Variants in OR1K1 observed in about 807,000 individuals in gnomAD.
OR1K1 encodes the protein olfactory receptor family 1 subfamily K member 1.
For missense variants in OR1K1, 409 were observed against 407.9 expected (o/e 1.00, Z -0.02); for synonymous variants, 168 against 178.2 (o/e 0.94, Z 0.46).
Position 122,800,773 on chromosome 9 carries a change from C to G in OR1K1, c.651C>G (p.Ala217=). The change falls in exon 1 of 1, where the codon GCC becomes GCG. Residue 217 remains alanine (A), a synonymous_variant. Transcript: ENST00000277309. ...VVVTPFLLIL[A]SYGAIAAAVL... ...TCACTCCCTTCCTGCTCATCCTCGC[C>G]TCCTATGGGGCCATCGCAGCTGCCG... 6.2e-7 allele frequency: 1 copy of G among 1,613,982 alleles called. No homozygotes were observed. The highest frequency in any genetic ancestry group is 8.5e-7 in the Non-Finnish European group (1 of 1,180,042).
Position 122,800,232 on chromosome 9 carries a change from T to C in OR1K1, c.110T>C (p.Val37Ala), listed in dbSNP as rs774696178. 1 of 1,614,180 alleles carries C rather than the reference T, an allele frequency of 6.2e-7. No homozygotes were observed. Among genetic ancestry groups the C allele is most frequent in the Non-Finnish European group, 8.5e-7 (1 of 1,180,006 alleles). The change falls in exon 1 of 1, where the codon GTG becomes GCG. Residue 37 changes from valine to alanine, a missense_variant. By Grantham distance (64) the Val-to-Ala change is moderately conservative. Coordinates refer to ENST00000277309, the MANE Select transcript of OR1K1 (RefSeq NM_080859.1). ...PLFVLFLLLY[V>A]ASLLGNGLIV... ...TTTGTGCTGTTCTTGCTCTTGTATG[T>C]GGCCAGCCTCCTGGGTAATGGACTC...
rs1038051189 is a variant in OR1K1, at chr9:122,800,638, C to T, written c.516C>T (p.Ser172=). The change falls in exon 1 of 1, where the codon TCC becomes TCT. Residue 172 remains serine, a synonymous_variant. Coordinates refer to ENST00000277309, the MANE Select transcript of OR1K1 (RefSeq NM_080859.1). ...TGGCTCGCTTGTCCTTCTGTGCTTC[C>T]CACCAAGTGCCCCACTTCTTCTGTG... ...LLMARLSFCA[S]HQVPHFFCDH... The T allele has an allele frequency of 4.3e-6, 7 of 1,614,032 alleles. No homozygotes were observed. The highest frequency in any genetic ancestry group is 2.2e-5 in the East Asian group (1 of 44,870).
rs150129543 is a variant in OR1K1 at position 122,800,346 on chromosome 9, C to T, written c.224C>T (p.Ala75Val). 2.4e-4 allele frequency: 386 copies of T among 1,614,112 alleles called. No individual in the cohort carries two copies. The highest frequency in any genetic ancestry group is 3.2e-4 in the Non-Finnish European group (373 of 1,180,052). The change falls in exon 1 of 1, where the codon GCC becomes GTC. Residue 75 changes from alanine (A) to valine (V), a missense_variant. By Grantham distance (64) the Ala-to-Val change is moderately conservative. Coordinates refer to ENST00000277309, the MANE Select transcript of OR1K1 (RefSeq NM_080859.1). The part of the protein sequence containing the change: ...AHLSFADLCF[A>V]SVTVPKMLAN... Reference sequence around the variant, plus strand: ...CTGTCCTTTGCTGACCTCTGCTTCGCCTCCGTCACTGTGCCCAAGATGTTG... The same window carrying T: ...CTGTCCTTTGCTGACCTCTGCTTCGTCTCCGTCACTGTGCCCAAGATGTTG...
Position 122,800,348 on chromosome 9 carries a change from T to C in OR1K1, c.226T>C (p.Ser76Pro), listed in dbSNP as rs138645292. 1 of 1,614,074 alleles carries C rather than the reference T, an allele frequency of 6.2e-7. No homozygotes were observed. The highest frequency in any genetic ancestry group is 1.3e-5 in the African/African-American group (1 of 74,940). Residue 76 changes from serine (S) to proline (P), a missense_variant, in exon 1 of 1, where the codon TCC (serine) becomes CCC (proline). Transcript: ENST00000277309. ...GTCCTTTGCTGACCTCTGCTTCGCCTCCGTCACTGTGCCCAAGATGTTGGC... is the reference window on the plus strand; with the variant it reads ...GTCCTTTGCTGACCTCTGCTTCGCCCCCGTCACTGTGCCCAAGATGTTGGC... Reference protein sequence around the residue: ...HLSFADLCFASVTVPKMLANL... With the variant: ...HLSFADLCFAPVTVPKMLANL...
rs544000900 is a variant in OR1K1 at position 122,800,377 on chromosome 9, C to T, written c.255C>T (p.Asn85=). 3 of 1,614,168 alleles carry T rather than the reference C, an allele frequency of 1.9e-6. No individual in the cohort carries two copies. Among genetic ancestry groups the T allele is most frequent in the African/African-American group, 1.3e-5 (1 of 75,060 alleles). ...ASVTVPKMLA[N]LLAHDHSISL... ...TCACTGTGCCCAAGATGTTGGCCAACTTGTTGGCCCATGACCACTCCATCT... is the reference window on the plus strand; with the variant it reads ...TCACTGTGCCCAAGATGTTGGCCAATTTGTTGGCCCATGACCACTCCATCT... Residue 85 remains asparagine, a synonymous_variant, in exon 1 of 1, where the codon AAC becomes AAT. Coordinates refer to ENST00000277309, the MANE Select transcript of OR1K1 (RefSeq NM_080859.1).
rs1829359312 is a variant in OR1K1, at chr9:122,800,962, T to C, written c.840T>C (p.Thr280=). The C allele has an allele frequency of 6.2e-7, 1 of 1,614,060 alleles. No individual in the cohort carries two copies. The highest frequency in any genetic ancestry group is 1.7e-5 in the Admixed American group (1 of 60,004). ...GCCGTGTGGCCACTGTCATGTACAC[T>C]GTAGTCACCCCCATGCTGAACCCCA... is the stretch of plus-strand genomic sequence containing the variant. ...EWGRVATVMY[T]VVTPMLNPII... is the part of the protein sequence containing the mutation. The change falls in exon 1 of 1, where the codon ACT becomes ACC. Residue 280 remains threonine, a synonymous_variant. Transcript: ENST00000277309.
Position 122,800,327 on chromosome 9 carries a change from T to C in OR1K1, c.205T>C (p.Phe69Leu). The C allele has an allele frequency of 1.2e-6, 2 of 1,614,206 alleles. No homozygotes were observed. Among genetic ancestry groups the C allele is most frequent in the Non-Finnish European group, 8.5e-7 (1 of 1,180,016 alleles). Residue 69 changes from phenylalanine to leucine, a missense_variant, in exon 1 of 1, where the codon TTT becomes CTT. Coordinates refer to ENST00000277309, the MANE Select transcript of OR1K1 (RefSeq NM_080859.1). ...GTACTTCCTGCTGGCCCACCTGTCC[T>C]TTGCTGACCTCTGCTTCGCCTCCGT... ...PMYFLLAHLS[F>L]ADLCFASVTV...
Position 122,800,924 on chromosome 9 carries a change from G to A in OR1K1, c.802G>A (p.Glu268Lys), listed in dbSNP as rs190021761. The A allele has an allele frequency of 5.4e-5, 87 of 1,614,178 alleles. 1 individual carries two copies. Among genetic ancestry groups the A allele is most frequent in the South Asian group, 4.1e-4 (37 of 91,086 alleles). Residue 268 changes from glutamate to lysine, a missense_variant, in exon 1 of 1, where the codon GAG becomes AAG. Coordinates refer to ENST00000277309, the MANE Select transcript of OR1K1 (RefSeq NM_080859.1). The part of the protein sequence containing the change: ...AVYFQATSRR[E>K]AEWGRVATVM... Reference sequence around the variant, plus strand: ...CTACTTCCAGGCCACATCCCGACGCGAGGCAGAGTGGGGCCGTGTGGCCAC... The same window carrying A: ...CTACTTCCAGGCCACATCCCGACGCAAGGCAGAGTGGGGCCGTGTGGCCAC...
chr9:122,800,778 A>G lies in OR1K1; in HGVS notation c.656A>G (p.Tyr219Cys), dbSNP rs778790231. ...CCCTTCCTGCTCATCCTCGCCTCCT[A>G]TGGGGCCATCGCAGCTGCCGTGCTC... ...VTPFLLILAS[Y>C]GAIAAAVLQL... is the part of the protein sequence containing the mutation. The change falls in exon 1 of 1, where the codon TAT becomes TGT. Residue 219 changes from tyrosine to cysteine, a missense_variant. By Grantham distance (194) the Tyr-to-Cys change is radical. Coordinates refer to ENST00000277309, the MANE Select transcript of OR1K1 (RefSeq NM_080859.1). 2 of 1,613,592 alleles carry G rather than the reference A, an allele frequency of 1.2e-6. No individual in the cohort carries two copies. Among genetic ancestry groups the G allele is most frequent in the Admixed American group, 3.3e-5 (2 of 60,022 alleles).
Position 122,800,585 on chromosome 9 carries a change from G to A in OR1K1, c.463G>A (p.Val155Ile), listed in dbSNP as rs200621911. 200 of 1,613,636 alleles carry A rather than the reference G, an allele frequency of 1.2e-4. 1 individual carries two copies. Among genetic ancestry groups the A allele is most frequent in the South Asian group, 9.7e-4 (88 of 91,082 alleles). The stretch of plus-strand genomic sequence containing the variant: ...GGGAATGGCATGGCTGGTGTCCCAC[G>A]TCCACTCCCTCCTGTATATCCTGCT... ...LVGMAWLVSH[V>I]HSLLYILLMA... The change falls in exon 1 of 1, where the codon GTC becomes ATC. Residue 155 changes from valine (V) to isoleucine (I), a missense_variant. Physicochemically the swap from Val to Ile is conservative, Grantham distance 29. Coordinates refer to ENST00000277309, the MANE Select transcript of OR1K1 (RefSeq NM_080859.1).
Position 122,800,616 on chromosome 9 carries a change from C to T in OR1K1, c.494C>T (p.Ala165Val), listed in dbSNP as rs1439213369. 9.3e-6 allele frequency: 15 copies of T among 1,613,870 alleles called. No individual in the cohort carries two copies. The highest frequency in any genetic ancestry group is 1.3e-5 in the Non-Finnish European group (15 of 1,180,030). Residue 165 changes from alanine to valine, a missense_variant, in exon 1 of 1, where the codon GCT becomes GTT. By Grantham distance (64) the Ala-to-Val change is moderately conservative. Transcript: ENST00000277309. Reference sequence around the variant, plus strand: ...TCCCTCCTGTATATCCTGCTCATGGCTCGCTTGTCCTTCTGTGCTTCCCAC... The same window carrying T: ...TCCCTCCTGTATATCCTGCTCATGGTTCGCTTGTCCTTCTGTGCTTCCCAC... ...VHSLLYILLM[A>V]RLSFCASHQV...
In OR1K1 at chr9:122,800,930, G is replaced by A. The variant is rs1270586266; in HGVS notation, c.808G>A (p.Glu270Lys). ...YFQATSRREAEWGRVATVMYT... is the reference protein window; with the variant it reads ...YFQATSRREAKWGRVATVMYT... ...CCAGGCCACATCCCGACGCGAGGCA[G>A]AGTGGGGCCGTGTGGCCACTGTCAT... Residue 270 changes from glutamate to lysine, a missense_variant, in exon 1 of 1, where the codon GAG becomes AAG. Transcript: ENST00000277309. The A allele has an allele frequency of 6.2e-7, 1 of 1,614,214 alleles. No homozygotes were observed. The highest frequency in any genetic ancestry group is 1.1e-5 in the South Asian group (1 of 91,082).
chr9:122,800,460 G>A lies in OR1K1; in HGVS notation c.338G>A (p.Ser113Asn). 6.2e-7 allele frequency: 1 copy of A among 1,611,846 alleles called. No individual in the cohort carries two copies. Among genetic ancestry groups the A allele is most frequent in the Non-Finnish European group, 8.5e-7 (1 of 1,180,022 alleles). Residue 113 changes from serine to asparagine, a missense_variant, in exon 1 of 1, where the codon AGC (serine) becomes AAC (asparagine). Physicochemically the swap from Ser to Asn is conservative, Grantham distance 46. Transcript: ENST00000277309. ...YFFFALGVTDSCLLAAMAYDC... is the reference protein window; with the variant it reads ...YFFFALGVTDNCLLAAMAYDC... Reference sequence around the variant, plus strand: ...TTCTTTGCCCTGGGGGTAACTGATAGCTGTCTTCTGGCGGCCATGGCCTAT... The same window carrying A: ...TTCTTTGCCCTGGGGGTAACTGATAACTGTCTTCTGGCGGCCATGGCCTAT...
rs749668257 is a variant in OR1K1, at chr9:122,800,302, G to A, written c.180G>A (p.Met60Ile). The A allele has an allele frequency of 2.3e-5, 37 of 1,614,112 alleles. No individual in the cohort carries two copies. Among genetic ancestry groups the A allele is most frequent in the Non-Finnish European group, 3.1e-5 (36 of 1,180,044 alleles). The change falls in exon 1 of 1, where the codon ATG becomes ATA. Residue 60 changes from methionine (M) to isoleucine (I), a missense_variant. Coordinates refer to ENST00000277309, the MANE Select transcript of OR1K1 (RefSeq NM_080859.1). The part of the protein sequence containing the change: ...IQASPALHAP[M>I]YFLLAHLSFA... ...CCAGTCCAGCCCTTCATGCACCCAT[G>A]TACTTCCTGCTGGCCCACCTGTCCT...
chr9:122,800,672 C>T lies in OR1K1; in HGVS notation c.550C>T (p.Pro184Ser), dbSNP rs777963450. Reference sequence around the variant, plus strand: ...GCCCCACTTCTTCTGTGACCACCAGCCTCTCTTAAGGCTCTCGTGCTCTGA... The same window carrying T: ...GCCCCACTTCTTCTGTGACCACCAGTCTCTCTTAAGGCTCTCGTGCTCTGA... ...QVPHFFCDHQ[P>S]LLRLSCSDTH... is the part of the protein sequence containing the mutation. Residue 184 changes from proline to serine, a missense_variant, in exon 1 of 1, where the codon CCT (proline) becomes TCT (serine). Coordinates refer to ENST00000277309, the MANE Select transcript of OR1K1 (RefSeq NM_080859.1). The T allele has an allele frequency of 6.2e-7, 1 of 1,614,134 alleles. No individual in the cohort carries two copies. Among genetic ancestry groups the T allele is most frequent in the Non-Finnish European group, 8.5e-7 (1 of 1,180,044 alleles).
chr9:122,801,047 C>T lies in OR1K1; in HGVS notation c.925C>T (p.Arg309Ter), dbSNP rs146400132. 7.3e-5 allele frequency: 117 copies of T among 1,609,310 alleles called. 1 individual carries two copies. The highest frequency in any genetic ancestry group is 3.3e-4 in the Middle Eastern group (2 of 6,044). ...QGALRALLIGRRISASDS is the reference protein window; with the variant it reads ...QGALRALLIG The stretch of plus-strand genomic sequence containing the variant: ...GGCACTCCGAGCCCTTCTCATTGGG[C>T]GAAGGATCTCAGCTAGTGACTCCTG... Residue 309 changes from arginine (R) to a stop codon, truncating the protein, a stop_gained, in exon 1 of 1, where the codon CGA (arginine) becomes TGA (stop). Coordinates refer to ENST00000277309, the MANE Select transcript of OR1K1 (RefSeq NM_080859.1). LOFTEE classifies it high-confidence loss of function.
chr9:122,800,171 G>A lies in OR1K1; in HGVS notation c.49G>A (p.Gly17Arg). The A allele has an allele frequency of 6.2e-7, 1 of 1,613,882 alleles. No individual in the cohort carries two copies. The highest frequency in any genetic ancestry group is 2.2e-5 in the East Asian group (1 of 44,880). ...SSEGISFVLL[G>R]LTTSPGQQRP... Reference sequence around the variant, plus strand: ...AGAGGGAATCTCATTCGTTTTATTGGGACTGACAACAAGTCCTGGACAGCA... The same window carrying A: ...AGAGGGAATCTCATTCGTTTTATTGAGACTGACAACAAGTCCTGGACAGCA... Residue 17 changes from glycine (G) to arginine (R), a missense_variant, in exon 1 of 1, where the codon GGA becomes AGA. By Grantham distance (125) the Gly-to-Arg change is moderately radical. Transcript: ENST00000277309.
rs1407618859 is a variant in OR1K1 at position 122,800,530 on chromosome 9, G to T, written c.408G>T (p.Arg136Ser). 6.2e-7 allele frequency: 1 copy of T among 1,612,522 alleles called. No individual in the cohort carries two copies. Among genetic ancestry groups the T allele is most frequent in the Non-Finnish European group, 8.5e-7 (1 of 1,180,002 alleles). ...GGCACCCCCTCCCCTATGCCACGAG[G>T]ATGTCCCGGGCCATGTGCGCAGCCC... ...AIRHPLPYAT[R>S]MSRAMCAALV... The change falls in exon 1 of 1, where the codon AGG becomes AGT. Residue 136 changes from arginine to serine, a missense_variant. Arg to Ser is a moderately radical substitution (Grantham distance 110). Coordinates refer to ENST00000277309, the MANE Select transcript of OR1K1 (RefSeq NM_080859.1).
chr9:122,800,320 CCTGTCCTTTG>C lies in OR1K1; in HGVS notation c.202_211del (p.Ser68ThrfsTer29), dbSNP rs1190855444. The C allele has an allele frequency of 1.9e-6, 3 of 1,614,090 alleles. No individual in the cohort carries two copies. Among genetic ancestry groups the C allele is most frequent in the Non-Finnish European group, 2.5e-6 (3 of 1,180,032 alleles). On this transcript the variant is annotated frameshift_variant, in exon 1 of 1. Transcript: ENST00000277309. LOFTEE classifies it low-confidence loss of function (END_TRUNC). Reference sequence around the variant, plus strand: ...CACCCATGTACTTCCTGCTGGCCCACCTGTCCTTTGCTGACCTCTGCTTCGCCTCCGTCAC... The same window carrying C: ...CACCCATGTACTTCCTGCTGGCCCACCTGACCTCTGCTTCGCCTCCGTCAC...
Sources: gnomAD v4.1 joint callset for allele counts on GRCh38, gnomAD v4.1.1 for gene constraint, MANE v1.5 for transcripts, NCBI Gene and HGNC (gene_info 2026-07-23, HGNC 2026-07-21) for gene names.